Variants in DDX50 observed in about 807,000 individuals in gnomAD.
The protein encoded by DDX50 is DExD-box helicase 50.
A neutral mutation model predicts 94.8 loss-of-function variants in DDX50; 56 were observed. That is an observed-to-expected ratio of 0.59 (90% confidence interval 0.48 to 0.74). The LOEUF is 0.74. Among genes scored for constraint, DDX50 ranks in the 30% least tolerant of loss-of-function variants. The pLI, the probability that DDX50 is intolerant of heterozygous loss-of-function variation, is 0.00. For synonymous variants in DDX50, 264 were observed against 295.4 expected, an observed-to-expected ratio of 0.89 and a Z score of 1.09; for missense variants, 713 against 881.2, an observed-to-expected ratio of 0.81 and a Z score of 2.42.
intron 10 of DDX50, 151 bp from the exon 11 acceptor site, chr10:68,935,855 A>G (rs531904909): frequency 1.6e-6 from 1 of 606,746 alleles, no homozygotes; most frequent in Admixed American, 3.4e-5. Flanking sequence ...CAAAAACAAA[A>G]ACAAAAAAGA....
intron 4 of DDX50, among the ~76,000 whole-genome samples, chr10:68,912,811 TA>T (rs1171145548): frequency 6.6e-6 from 1 of 152,202 alleles, no homozygotes; most frequent in African/African-American, 2.4e-5. Flanking sequence ...CAACCTGACA[TA>T]AATTCCTGCC....
chr10:68,911,246 G>C lies in DDX50; in HGVS notation c.639G>C (p.Lys213Asn). 6.3e-7 allele frequency: 1 copy of C among 1,592,008 alleles called. No homozygotes were observed. ...QETIKKSRSP[K>N]VLVLAPTREL... is the part of the protein sequence containing the mutation. ...CAATTAAAAAAAGCCGCTCACCAAA[G>C]GTAATCGTTATAGGGGGTAAAAGCT... The change falls in exon 4 of 15, where the codon AAG becomes AAC. Residue 213 changes from lysine (K) to asparagine (N), a missense_variant and splice_region_variant. By Grantham distance (94) the Lys-to-Asn change is moderately conservative. This residue lies in a region of DDX50 where 285 missense variants were observed against 278.9 expected (regional missense o/e 1.02). Coordinates refer to ENST00000373585, the MANE Select transcript of DDX50 (RefSeq NM_024045.2).
At position 68,934,175 on chromosome 10, in the gene DDX50, A is replaced by G; in HGVS notation, c.1240-24A>G. 1 of 1,606,086 alleles carries G rather than the reference A, an allele frequency of 6.2e-7. No homozygotes were observed. Among genetic ancestry groups the G allele is most frequent in the Non-Finnish European group, 8.5e-7 (1 of 1,176,996 alleles). ...GTTGCAAGTATGAGCTGTACACTTA[A>G]TTTTCTCCCCCTTTCTCAAATAGAA... On this transcript the variant is annotated intron_variant, in intron 8 of 14. Coordinates refer to ENST00000373585, the MANE Select transcript of DDX50 (RefSeq NM_024045.2). This position sits in a 1 kb window ranked among gnomAD's most constrained non-coding sequence, Gnocchi z 4.0.
Position 68,911,264 on chromosome 10 carries a change from T to G in DDX50, c.639+18T>G. 6.5e-7 allele frequency: 1 copy of G among 1,529,590 alleles called. No individual in the cohort carries two copies. 94.8% of individuals were successfully genotyped at this position (1,529,590 alleles called of 1,614,324 possible). ...CACCAAAGGTAATCGTTATAGGGGG[T>G]AAAAGCTTTAAATGTTACTCTAACA... On this transcript the variant is annotated intron_variant, in intron 4 of 14. Coordinates refer to ENST00000373585, the MANE Select transcript of DDX50 (RefSeq NM_024045.2).
intron 10 of DDX50, among the ~76,000 whole-genome samples, 197 bp downstream of exon 10, chr10:68,935,115 C>G (rs1842373555): frequency 6.6e-6 from 1 of 152,228 alleles, no homozygotes; most frequent in African/African-American, 2.4e-5. Flanking sequence ...GACAGTGGAG[C>G]TGACTTTCTC....
intron 8 of DDX50, among the ~76,000 whole-genome samples, chr10:68,920,431 G>C (rs1841910768): frequency 6.6e-6 from 1 of 152,116 alleles, no homozygotes; most frequent in Admixed American, 6.6e-5. Flanking sequence ...CTGCCGAAAT[G>C]CTGGGATTAC....
At chr10:68,927,057 C>T (rs1266365247) in intron 8 of DDX50, among the ~76,000 whole-genome samples, 1 of 152,232 alleles carries the variant, frequency 6.6e-6, no homozygotes, top group Admixed American at 6.5e-5. Context: ...GGACTACAGG[C>T]ATGCGCCACC....
intron 8 of DDX50, among the ~76,000 whole-genome samples, chr10:68,927,560 A>G (rs758732491): frequency 2.0e-5 from 3 of 152,232 alleles, no homozygotes; most frequent in Non-Finnish European, 1.5e-5. Context: ...TTTTGTACAT[A>G]CGTACATATG....
At chr10:68,914,004 C>A in intron 6 of DDX50, 55 bp from the exon 7 acceptor site, 1 of 1,436,834 alleles carries the variant, frequency 7.0e-7, no homozygotes, top group Non-Finnish European at 9.2e-7. Flanking sequence ...TTTTTAAGAG[C>A]GGGCTACATC....
At chr10:68,926,939 G>C (rs1409249577) in intron 8 of DDX50, among the ~76,000 whole-genome samples, 1 of 151,880 alleles carries the variant, frequency 6.6e-6, no homozygotes, top group Non-Finnish European at 1.5e-5. Context: ...TTGAGAGAGG[G>C]TCTTACTCCG....
At chr10:68,921,946 G>A (rs1299066711) in intron 8 of DDX50, among the ~76,000 whole-genome samples, 2 of 151,972 alleles carry the variant, frequency 1.3e-5, no homozygotes, top group South Asian at 4.2e-4. Flanking sequence ...ATATATTTTG[G>A]TGGTGTTCTT....
At position 68,941,860 on chromosome 10, in the gene DDX50, G is replaced by A. The variant is rs143113806; in HGVS notation, c.1890+666G>A. Among the ~76,000 whole-genome samples, 13 of 152,194 alleles carry A rather than the reference G, an allele frequency of 8.5e-5. No homozygotes were observed. The East Asian group carries it at 2.1e-3, about 25-fold the overall frequency. ...TCAGCATGTTGGCCAGGCTGGTCTC[G>A]CACTCCTGACCTCAGGTGATCCTCC... On this transcript the variant is annotated intron_variant, in intron 13 of 14. Transcript: ENST00000373585.
chr10:68,930,055 C>CTT (rs1484223097), intron 8 of DDX50, among the ~76,000 whole-genome samples: 1 of 145,212 alleles, frequency 6.9e-6, no homozygotes, highest in Non-Finnish European at 1.5e-5. Context: ...TCCTTCCTTC[C>CTT]TTCCTTTCTT....
chr10:68,914,112 G>C lies in DDX50; in HGVS notation c.997G>C (p.Val333Leu). The C allele has an allele frequency of 6.2e-7, 1 of 1,611,644 alleles. No individual in the cohort carries two copies. Among genetic ancestry groups the C allele is most frequent in the Middle Eastern group, 1.7e-4 (1 of 6,038 alleles). Reference protein sequence around the residue: ...LLFSATCPQWVYKVAKKYMKS... With the variant: ...LLFSATCPQWLYKVAKKYMKS... ...TTTTTCTGCAACTTGCCCACAGTGG[G>C]TATACAAAGTTGCAAAAAAATACAT... Residue 333 changes from valine (V) to leucine (L), a missense_variant, in exon 7 of 15, where the codon GTA becomes CTA. Val to Leu is a conservative substitution (Grantham distance 32). Around this residue, in one of 2 missense-constraint regions of DDX50, gnomAD observed 428 missense variants for 602.3 expected, o/e 0.71. Coordinates refer to ENST00000373585, the MANE Select transcript of DDX50 (RefSeq NM_024045.2).
intron 2 of DDX50, among the ~76,000 whole-genome samples, chr10:68,909,500 T>C (rs535275357): frequency 2.6e-5 from 4 of 152,248 alleles, no homozygotes; most frequent in Non-Finnish European, 5.9e-5. Context: ...ACATTCCTCA[T>C]TATATACTTT....
At position 68,906,902 on chromosome 10, in the gene DDX50, A is replaced by G. The variant is rs1841465501; in HGVS notation, c.279A>G (p.Arg93=). 3 of 1,610,584 alleles carry G rather than the reference A, an allele frequency of 1.9e-6. No individual in the cohort carries two copies. In the South Asian group the frequency reaches 3.3e-5, roughly 18 times the overall value. Residue 93 remains arginine (R), a synonymous_variant, in exon 2 of 15, where the codon AGA becomes AGG. Coordinates refer to ENST00000373585, the MANE Select transcript of DDX50 (RefSeq NM_024045.2). ...TCTCCAAATCTCATAAGTCAAGAAG[A>G]AAAGATCTACCAAATGGAGATATAG... is the stretch of plus-strand genomic sequence containing the variant. The part of the protein sequence containing the change: ...DEFSKSHKSR[R]KDLPNGDIDE...
intron 14 of DDX50, 29 bp from the exon 15 acceptor site, chr10:68,946,323 T>G: frequency 6.4e-7 from 1 of 1,566,704 alleles, no homozygotes; most frequent in Non-Finnish European, 8.6e-7. Context: ...ATTTTGCATT[T>G]ATATTAATCC....
intron 13 of DDX50, 49 bp from the exon 14 acceptor site, chr10:68,943,164 C>G (rs1450217681): frequency 1.3e-6 from 2 of 1,567,510 alleles, no homozygotes; most frequent in East Asian, 2.3e-5. Context: ...CAAAAAAAAT[C>G]TACACATATG....
At chr10:68,928,921 A>G (rs987416944) in intron 8 of DDX50, among the ~76,000 whole-genome samples, 6 of 152,018 alleles carry the variant, frequency 3.9e-5, no homozygotes, top group Admixed American at 6.6e-5. Flanking sequence ...TATATCTCCT[A>G]TGGTTTAAAG....
Sources: gnomAD v4.1 joint callset for allele counts (sites outside exome capture counted in the v4.1 genomes callset) on GRCh38, gnomAD v4.1.1 for gene constraint, gnomAD v4.1.1 regional missense constraint, Gnocchi (gnomAD v3.1) non-coding constraint, MANE v1.5 for transcripts, NCBI Gene and HGNC (gene_info 2026-07-23, HGNC 2026-07-21) for gene names.